Variants in ITGA11 observed in about 807,000 individuals in gnomAD.
The protein encoded by ITGA11 is integrin subunit alpha 11.
Under a neutral mutation model 141.9 loss-of-function variants are expected in ITGA11, and 97 were observed. The observed-to-expected ratio is 0.68, with a 90% confidence interval of 0.58 to 0.81. The LOEUF (loss-of-function observed/expected upper bound fraction) is 0.81, where lower values mean the gene tolerates loss of function less well. ITGA11 is among the 30% of genes least tolerant of loss of function. The pLI is 0.00. For synonymous variants in ITGA11, 658 were observed against 624.6 expected, an observed-to-expected ratio of 1.05 and a Z score of -0.80; for missense variants, 1,387 against 1,559.2, an observed-to-expected ratio of 0.89 and a Z score of 1.86.
intron 2 of ITGA11, among the ~76,000 whole-genome samples, chr15:68,386,888 G>A (rs1441419644): frequency 2.0e-5 from 3 of 152,138 alleles, no homozygotes; most frequent in Non-Finnish European, 4.4e-5. Flanking sequence ...AAAGACACTG[G>A]CAGCTGCTGA....
intron 1 of ITGA11, among the ~76,000 whole-genome samples, chr15:68,420,871 G>A (rs1232773548): frequency 6.6e-6 from 1 of 152,166 alleles, no homozygotes; most frequent in East Asian, 1.9e-4. Flanking sequence ...AATATTAAAA[G>A]CCTCGGAGAG....
At chr15:68,341,271 C>T (rs993976787) in intron 10 of ITGA11, among the ~76,000 whole-genome samples, 9 of 152,216 alleles carry the variant, frequency 5.9e-5, no homozygotes, top group Non-Finnish European at 8.8e-5. Flanking sequence ...ACAGTTTGTT[C>T]GGGCCACGAC....
At position 68,302,941 on chromosome 15, in the gene ITGA11, A is replaced by G; in HGVS notation, c.*118T>C. 1 of 761,208 alleles carries G rather than the reference A, an allele frequency of 1.3e-6. No individual in the cohort carries two copies. The highest frequency in any genetic ancestry group is 2.1e-6 in the Non-Finnish European group (1 of 466,454). 47.2% of individuals were successfully genotyped at this position (761,208 alleles called of 1,614,324 possible). ...GCGCCATTGCTCGGGAGATGAGGTC[A>G]AGTGCAAAGCCAGCTGGCTTCCTCT... On this transcript the variant is annotated 3_prime_UTR_variant, in exon 30 of 30. Transcript: ENST00000315757.
At chr15:68,374,467 G>C (rs1026145255) in intron 2 of ITGA11, among the ~76,000 whole-genome samples, 2 of 152,202 alleles carry the variant, frequency 1.3e-5, no homozygotes, top group African/African-American at 4.8e-5. Flanking sequence ...CTGTGTCTGA[G>C]GCCTCAGACA....
rs1893941177 is a variant in ITGA11 at position 68,325,363 on chromosome 15, C to T, written c.2212-122G>A. 2.9e-6 allele frequency: 2 copies of T among 696,446 alleles called. No individual in the cohort carries two copies. Among genetic ancestry groups the T allele is most frequent in the South Asian group, 1.7e-5 (1 of 59,694 alleles). The allele number at this position is 696,446 out of a possible 1,614,324, so 43.1% of individuals were successfully genotyped here. ...GATGGCAGGGCAGCTGCCCTGTGCC[C>T]TCAGGGTGAGTCTGCAGGTGGATGG... On this transcript the variant is annotated intron_variant, in intron 17 of 29. Transcript: ENST00000315757. The surrounding 1 kb of genome is among the most constrained non-coding windows in gnomAD (Gnocchi z 5.5).
At chr15:68,350,021 C>T (rs1894854229) in intron 9 of ITGA11, among the ~76,000 whole-genome samples, 1 of 152,228 alleles carries the variant, frequency 6.6e-6, no homozygotes, top group South Asian at 2.1e-4. Context: ...TCAAAGCCCA[C>T]CATGCTCCCA....
intron 1 of ITGA11, among the ~76,000 whole-genome samples, chr15:68,428,923 G>A (rs1897207224): frequency 6.6e-6 from 1 of 152,178 alleles, no homozygotes; most frequent in African/African-American, 2.4e-5. Flanking sequence ...GGGCTTTGCG[G>A]GAGGGACTAG....
chr15:68,428,369 G>A (rs1256137398), intron 1 of ITGA11, among the ~76,000 whole-genome samples: 1 of 152,194 alleles, frequency 6.6e-6, no homozygotes, highest in Non-Finnish European at 1.5e-5. Flanking sequence ...AGGTTGAGAG[G>A]TAAGATACTG....
intron 1 of ITGA11, among the ~76,000 whole-genome samples, chr15:68,417,807 C>A (rs1036385716): frequency 3.9e-5 from 6 of 152,254 alleles, no homozygotes; most frequent in African/African-American, 7.2e-5. Context: ...GGCTCCTTCT[C>A]AACCTCCAGT....
chr15:68,415,773 G>A (rs1396367086), intron 1 of ITGA11, among the ~76,000 whole-genome samples: 1 of 152,220 alleles, frequency 6.6e-6, no homozygotes, highest in Non-Finnish European at 1.5e-5. Context: ...GGGGCTGGGA[G>A]CCATCACTAG....
chr15:68,323,262 T>A (rs1330764032), intron 18 of ITGA11, among the ~76,000 whole-genome samples: 2 of 152,110 alleles, frequency 1.3e-5, no homozygotes, highest in Non-Finnish European at 2.9e-5. Flanking sequence ...TAGTTCAGGA[T>A]AGGGGCTTTA....
chr15:68,381,547 G>A (rs1421850205), intron 2 of ITGA11, among the ~76,000 whole-genome samples: 4 of 127,330 alleles, frequency 3.1e-5, no homozygotes, highest in Non-Finnish European at 6.5e-5. Context: ...CTGAGGCAGA[G>A]ACAGCATTCC....
Position 68,429,441 on chromosome 15 carries a change from C to T in ITGA11, c.52+2574G>A, listed in dbSNP as rs762972435. On this transcript the variant is annotated intron_variant, in intron 1 of 29. Transcript: ENST00000315757. ...GACTGTAAAGCTCTGGTCAATGGAT[C>T]TCTCTCTTTGGACTTGATTACTTTT... 2.0e-5 allele frequency among the ~76,000 whole-genome samples: 3 copies of T among 152,362 alleles called. No individual in the cohort carries two copies. In the South Asian group the frequency reaches 6.2e-4, roughly 32 times the overall value.
chr15:68,359,831 C>G (rs1298992149), intron 5 of ITGA11, among the ~76,000 whole-genome samples: 1 of 152,292 alleles, frequency 6.6e-6, no homozygotes, highest in East Asian at 1.9e-4. Context: ...AATGCATACA[C>G]TCTGCGTCTG....
intron 2 of ITGA11, among the ~76,000 whole-genome samples, chr15:68,386,835 A>C (rs1895996403): frequency 1.3e-5 from 2 of 152,036 alleles, no homozygotes; most frequent in African/African-American, 2.4e-5. Flanking sequence ...GGGGCTCTTT[A>C]TCCTTCCCTC....
intron 1 of ITGA11, among the ~76,000 whole-genome samples, chr15:68,405,802 T>G (rs186560779): frequency 6.2e-4 from 94 of 151,908 alleles, no homozygotes; most frequent in African/African-American, 2.1e-3. Context: ...ACTGAAGGAG[T>G]GTTGCAGTGG....
intron 18 of ITGA11, among the ~76,000 whole-genome samples, chr15:68,323,975 C>T (rs1893889608): frequency 6.6e-6 from 1 of 152,202 alleles, no homozygotes; most frequent in African/African-American, 2.4e-5. Context: ...TGGGCTTCAG[C>T]ATGCTTGTGG....
chr15:68,300,932 C>T lies in ITGA11; in HGVS notation c.*2127G>A, dbSNP rs766563193. ...CTCAGATCTGATGATATTTGATGGA[C>T]GACTTGGTGCTAAGTCAATGAAAAC... On this transcript the variant is annotated 3_prime_UTR_variant, in exon 30 of 30. Coordinates refer to ENST00000315757, the MANE Select transcript of ITGA11 (RefSeq NM_001004439.2). The T allele has an allele frequency of 5.9e-5, 9 of 152,188 alleles. No individual in the cohort carries two copies. Among genetic ancestry groups the T allele is most frequent in the South Asian group, 2.1e-4 (1 of 4,822 alleles). The allele number at this position is 152,188 out of a possible 1,614,324, so 9.4% of individuals were successfully genotyped here.
Position 68,303,763 on chromosome 15 carries a change from G to T in ITGA11, c.3495+9C>A. 6.3e-7 allele frequency: 1 copy of T among 1,588,116 alleles called. No individual in the cohort carries two copies. The highest frequency in any genetic ancestry group is 8.6e-7 in the Non-Finnish European group (1 of 1,159,020). ...TGCTGCTCCTTCCCTCCCCTGCCAG[G>T]GCCCTCACCTTCCACAGTGCCAGGA... is the stretch of plus-strand genomic sequence containing the variant. On this transcript the variant is annotated intron_variant, in intron 29 of 29. Coordinates refer to ENST00000315757, the MANE Select transcript of ITGA11 (RefSeq NM_001004439.2). The surrounding 1 kb of genome is among the most constrained non-coding windows in gnomAD (Gnocchi z 5.3).
Sources: allele counts gnomAD v4.1 joint callset (sites outside exome capture counted in the v4.1 genomes callset), GRCh38; gene constraint gnomAD v4.1.1; non-coding constraint Gnocchi (gnomAD v3.1); transcripts MANE v1.5; gene names NCBI Gene and HGNC (gene_info 2026-07-23, HGNC 2026-07-21).